Variants in ACAT1 observed in about 807,000 individuals in gnomAD.
ACAT1 encodes acetyl-CoA acetyltransferase 1.
ACAT1 carries 28 observed loss-of-function variants against 47.3 expected under a neutral mutation model. The observed-to-expected ratio is 0.59, with a 90% CI of 0.44 to 0.81. ACAT1 has a LOEUF of 0.81. Ranked by LOEUF, ACAT1 falls within the 30% of genes least tolerant of loss-of-function variation. The pLI, the probability that ACAT1 is intolerant of heterozygous loss-of-function variation, is 0.00. For synonymous variants in ACAT1, 181 were observed against 173.6 expected, an observed-to-expected ratio of 1.04 and a Z score of -0.34; for missense variants, 469 against 524.3, an observed-to-expected ratio of 0.89 and a Z score of 1.03.
At chr11:108,122,076 G>A (rs1434264870) in intron 1 of ACAT1, 4 of 295,708 alleles carry the variant, frequency 1.4e-5, no homozygotes, top group Admixed American at 1.0e-4. Flanking sequence ...GTGCGTTATT[G>A]TCAGGAGAGG....
chr11:108,118,013 A>G (rs1175607503), upstream of ACAT1, among the ~76,000 whole-genome samples: 2 of 152,202 alleles, frequency 1.3e-5, no homozygotes, highest in Non-Finnish European at 2.9e-5. Context: ...ATCCCAGATA[A>G]ACCACTTTTT....
chr11:108,139,612 A>G (rs944122141), intron 6 of ACAT1, among the ~76,000 whole-genome samples: 1 of 152,050 alleles, frequency 6.6e-6, no homozygotes, highest in Non-Finnish European at 1.5e-5. Flanking sequence ...CATGAGTGAA[A>G]AGTGACCTGG....
intron 9 of ACAT1, 58 bp downstream of exon 9, chr11:108,142,608 G>C: frequency 7.2e-7 from 1 of 1,392,832 alleles, no homozygotes; most frequent in Non-Finnish European, 1.0e-6. Context: ...AGGTTGAGGT[G>C]GGAGGATTGC....
chr11:108,134,200 C>CTT (rs201199156), intron 3 of ACAT1, 21 bp from the exon 4 acceptor site: 101 of 1,361,000 alleles, frequency 7.4e-5, no homozygotes, highest in African/African-American at 1.8e-4. Context: ...GCCTTTTTGA[C>CTT]TTTTTTTTTT....
intron 1 of ACAT1, 29 bp downstream of exon 1, chr11:108,121,707 A>G (rs1591350468): frequency 6.5e-7 from 1 of 1,545,834 alleles, no homozygotes; most frequent in Non-Finnish European, 8.7e-7. Context: ...CACAGCACTC[A>G]GACCCGGGAT....
upstream of ACAT1, among the ~76,000 whole-genome samples, chr11:108,120,319 A>G (rs192169235): frequency 7.2e-5 from 11 of 152,314 alleles, no homozygotes; most frequent in East Asian, 1.9e-3. Flanking sequence ...CAACATAGCA[A>G]GACCCCTTCT....
intron 8 of ACAT1, 41 bp from the exon 9 acceptor site, chr11:108,142,396 G>A (rs775193341): frequency 1.0e-5 from 15 of 1,445,244 alleles, no homozygotes; most frequent in Middle Eastern, 1.7e-4. Context: ...TACATTTATT[G>A]TGAAGGAATG....
chr11:108,145,481 C>CAT (rs1407218808), intron 10 of ACAT1, among the ~76,000 whole-genome samples: 8 of 151,884 alleles, frequency 5.3e-5, no homozygotes, highest in Non-Finnish European at 1.0e-4. Context: ...TGCAGTGGGC[C>CAT]ATGACTGTGC....
chr11:108,139,008 C>A lies in ACAT1; in HGVS notation c.546C>A (p.Asp182Glu). 6.2e-7 allele frequency: 1 copy of A among 1,614,126 alleles called. No homozygotes were observed. Among genetic ancestry groups the A allele is most frequent in the Non-Finnish European group, 8.5e-7 (1 of 1,180,008 alleles). The change falls in exon 6 of 12, where the codon GAC becomes GAA. Residue 182 changes from aspartate (D) to glutamate (E), a missense_variant. Physicochemically the swap from Asp to Glu is conservative, Grantham distance 45. Coordinates refer to ENST00000265838, the MANE Select transcript of ACAT1 (RefSeq NM_000019.4). ...GVKLEDLIVK[D>E]GLTDVYNKIH... The stretch of plus-strand genomic sequence containing the variant: ...AGCTTGAAGATTTGATTGTAAAAGA[C>A]GGGCTAACTGATGTCTACAATAAAA...
intron 1 of ACAT1, among the ~76,000 whole-genome samples, chr11:108,131,354 A>ATTTTTTTTTTTTTTTTTTTTTTTTT (rs397951009): frequency 0.011 from 671 of 62,620 alleles, 202 homozygotes; most frequent in East Asian, 0.085. Context: ...AAGACTTGGA[A>ATTTTTTTTTTTTTTTTTTTTTTTTT]TTTTTTTTTT....
In ACAT1 at chr11:108,129,450, C is replaced by T. The variant is rs1278888340; in HGVS notation, c.73-2457C>T. On this transcript the variant is annotated intron_variant, in intron 1 of 11. Coordinates refer to ENST00000265838, the MANE Select transcript of ACAT1 (RefSeq NM_000019.4). The stretch of plus-strand genomic sequence containing the variant: ...GTGGCGTGATCTCGGCTCACTGCAA[C>T]TTCTGCCTCCTGGGTTCAAGCGATT... 3.3e-5 allele frequency among the ~76,000 whole-genome samples: 5 copies of T among 152,044 alleles called. No individual in the cohort carries two copies. In the East Asian group the frequency reaches 9.7e-4, roughly 29 times the overall value.
chr11:108,138,399 CT>C (rs1351145995), intron 5 of ACAT1, among the ~76,000 whole-genome samples: 176 of 142,878 alleles, frequency 1.2e-3, no homozygotes, highest in Middle Eastern at 3.7e-3. Context: ...TCCGCCTCTA[CT>C]TTTTTTTTTT....
At position 108,142,366 on chromosome 11, in the gene ACAT1, A is replaced by G. The variant is rs10890818; in HGVS notation, c.827-71A>G. The stretch of plus-strand genomic sequence containing the variant: ...ACATTTAGCAGCCCAGGCAATAGGT[A>G]TTTGTTGAATTGAACCAAATACATT... On this transcript the variant is annotated intron_variant, in intron 8 of 11. Coordinates refer to ENST00000265838, the MANE Select transcript of ACAT1 (RefSeq NM_000019.4). The G allele has an allele frequency of 0.2, 227,368 of 1,159,796 alleles. 24,567 individuals carry two copies. Among genetic ancestry groups the G allele is most frequent in the Admixed American group, 0.34 (17,710 of 51,778 alleles). 71.8% of individuals were successfully genotyped at this position (1,159,796 alleles called of 1,614,324 possible). A position where few individuals can be genotyped will look rare whatever the true frequency, so the allele number is the denominator to read the frequency against.
chr11:108,146,771 G>C (rs766488893), intron 11 of ACAT1, among the ~76,000 whole-genome samples: 13 of 152,108 alleles, frequency 8.5e-5, no homozygotes, highest in Admixed American at 2.0e-4. Context: ...CCATTATACT[G>C]TTCTGTACTT....
rs373393997 is a variant in ACAT1, at chr11:108,139,008, C to T, written c.546C>T (p.Asp182=). Reference sequence around the variant, plus strand: ...AGCTTGAAGATTTGATTGTAAAAGACGGGCTAACTGATGTCTACAATAAAA... The same window carrying T: ...AGCTTGAAGATTTGATTGTAAAAGATGGGCTAACTGATGTCTACAATAAAA... ...GVKLEDLIVK[D]GLTDVYNKIH... Residue 182 remains aspartate, a synonymous_variant, in exon 6 of 12, where the codon GAC becomes GAT. Transcript: ENST00000265838. 53 of 1,614,008 alleles carry T rather than the reference C, an allele frequency of 3.3e-5. No individual in the cohort carries two copies. Among genetic ancestry groups the T allele is most frequent in the South Asian group, 1.4e-4 (13 of 91,092 alleles).
intron 9 of ACAT1, chr11:108,143,647 T>G (rs1478056979): frequency 1.2e-5 from 2 of 171,338 alleles, no homozygotes; most frequent in South Asian, 1.7e-4. Context: ...AGTAATTCTT[T>G]GTTGTAGGGA....
At chr11:108,137,998 T>A (rs1365707512) in intron 5 of ACAT1, among the ~76,000 whole-genome samples, 3 of 152,022 alleles carry the variant, frequency 2.0e-5, no homozygotes, top group Non-Finnish European at 2.9e-5. Flanking sequence ...TTCTGGTATT[T>A]TTTTTTTAAA....
At chr11:108,137,478 G>A (rs2077490004) in intron 5 of ACAT1, among the ~76,000 whole-genome samples, 1 of 152,176 alleles carries the variant, frequency 6.6e-6, no homozygotes, top group Non-Finnish European at 1.5e-5. Flanking sequence ...ATGCTTTGGT[G>A]GAAAGGCTGC....
intron 5 of ACAT1, among the ~76,000 whole-genome samples, chr11:108,138,368 C>T (rs867912138): frequency 3.3e-5 from 5 of 151,446 alleles, no homozygotes; most frequent in East Asian, 2.0e-4. Flanking sequence ...TGCAGTGGCA[C>T]GATCTCAGCT....
Sources: allele counts gnomAD v4.1 joint callset (sites outside exome capture counted in the v4.1 genomes callset), GRCh38; gene constraint gnomAD v4.1.1; transcripts MANE v1.5; gene names NCBI Gene and HGNC (gene_info 2026-07-23, HGNC 2026-07-21).